Variants in PAK3 observed in about 807,000 individuals in gnomAD.
The protein encoded by PAK3 is p21 (RAC1) activated kinase 3.
Under a neutral mutation model 41.0 loss-of-function variants are expected in PAK3, and 4 were observed. The observed-to-expected ratio is 0.10, with a 90% CI of 0.05 to 0.22. The LOEUF is 0.22. Among genes scored for constraint, PAK3 ranks in the 10% least tolerant of loss-of-function variants. The pLI is 1.00. For missense variants in PAK3, 205 were observed against 409.9 expected (o/e 0.50, Z 4.32); for synonymous variants, 146 against 139.6 (o/e 1.05, Z -0.32).
At chrX:110,945,676 TA>T (rs1274007452) in intron 1 of PAK3, among the ~76,000 whole-genome samples, 1 of 112,048 alleles carries the variant, frequency 8.9e-6, no homozygotes, top group African/African-American at 3.2e-5. Flanking sequence ...ATGTTTGAAC[TA>T]AAAAGAACAA....
At chrX:111,174,002 TC>T (rs1397057294) in intron 11 of PAK3, among the ~76,000 whole-genome samples, 1 of 111,475 alleles carries the variant, frequency 9.0e-6, no homozygotes, top group Admixed American at 9.6e-5. Context: ...CTCAGACTTT[TC>T]CTGGCTGAGG....
chrX:110,944,703 G>A (rs1446904836), intron 1 of PAK3: 1 of 112,440 alleles, frequency 8.9e-6, no homozygotes, highest in Admixed American at 9.3e-5. Context: ...GAGGGCACGG[G>A]GCGGGAGGGA....
intron 1 of PAK3, among the ~76,000 whole-genome samples, chrX:111,061,344 C>G (rs2092653794): frequency 9.0e-6 from 1 of 111,101 alleles, no homozygotes; most frequent in Non-Finnish European, 1.9e-5. Flanking sequence ...TTATTATGCC[C>G]TATTGATTTA....
intron 11 of PAK3, among the ~76,000 whole-genome samples, chrX:111,175,713 T>C (rs1189161269): frequency 1.8e-5 from 2 of 111,771 alleles, no homozygotes; most frequent in Non-Finnish European, 3.8e-5. Flanking sequence ...TCCCAGATAC[T>C]AGGTAATGAA....
chrX:111,093,334 A>T (rs1346238738), upstream of PAK3, among the ~76,000 whole-genome samples: 1 of 111,832 alleles, frequency 8.9e-6, no homozygotes, highest in Non-Finnish European at 1.9e-5. Context: ...TCAGATGGGG[A>T]GATACAAAAG....
intron 1 of PAK3, among the ~76,000 whole-genome samples, chrX:111,096,957 CTCTT>C (rs1175262215): frequency 5.5e-5 from 6 of 109,345 alleles, no homozygotes; most frequent in Admixed American, 9.7e-5. Context: ...GCGCCTTCCC[CTCTT>C]TCTTTTATTT....
chrX:110,975,690 C>T (rs907860897), intron 1 of PAK3, among the ~76,000 whole-genome samples: 11 of 111,689 alleles, frequency 9.8e-5, no homozygotes, highest in South Asian at 3.8e-4. Context: ...GGAGGCATCA[C>T]GCTACCTGAC....
intron 4 of PAK3, among the ~76,000 whole-genome samples, chrX:111,104,386 A>G (rs2093212193): frequency 1.8e-5 from 2 of 111,970 alleles, no homozygotes; most frequent in South Asian, 7.5e-4. Flanking sequence ...GTTCCCTTTC[A>G]CACTGAGCAT....
At chrX:111,163,371 C>T (rs1220066787) in intron 9 of PAK3, among the ~76,000 whole-genome samples, 191 bp from the exon 10 acceptor site, 3 of 111,054 alleles carry the variant, frequency 2.7e-5, no homozygotes, top group Non-Finnish European at 5.7e-5. Context: ...ATTAGCAAGG[C>T]ATGTATAGGG....
At chrX:111,019,370 A>T (rs927845518) in intron 1 of PAK3, among the ~76,000 whole-genome samples, 1 of 109,704 alleles carries the variant, frequency 9.1e-6, no homozygotes, top group African/African-American at 3.3e-5. Flanking sequence ...AGAATTGTAA[A>T]CTCAACAACA....
chrX:111,147,104 G>A (rs1192601487), intron 6 of PAK3, among the ~76,000 whole-genome samples: 4 of 110,804 alleles, frequency 3.6e-5, no homozygotes, highest in Non-Finnish European at 7.6e-5. Flanking sequence ...AGCTGCAGGG[G>A]AAATGCCCAA....
chrX:111,033,925 CT>C (rs1251553296), intron 1 of PAK3, among the ~76,000 whole-genome samples: 1 of 110,625 alleles, frequency 9.0e-6, no homozygotes, highest in Non-Finnish European at 1.9e-5. Flanking sequence ...ATCTCATATA[CT>C]TTTAAAAAAA....
intron 1 of PAK3, among the ~76,000 whole-genome samples, chrX:111,065,073 G>A (rs987657289): frequency 2.7e-5 from 3 of 112,118 alleles, no homozygotes; most frequent in Non-Finnish European, 1.9e-5. Flanking sequence ...AATTGCTCTG[G>A]CTAGGATTTC....
rs914965703 is a variant in PAK3, at chrX:111,065,676, C to A, written c.-27-57401C>A. On this transcript the variant is annotated intron_variant, in intron 1 of 14. Coordinates refer to the PAK3 transcript ENST00000425146. ...CTATCTGGTGGAATGTGGCTGAGAA[C>A]TTATTTGGTAAGGGGCTCTTTTTGA... Among the ~76,000 whole-genome samples, 5 of 111,369 alleles carry A rather than the reference C, an allele frequency of 4.5e-5. No homozygotes were observed. In the Admixed American group the frequency reaches 4.8e-4, roughly 11 times the overall value.
At chrX:111,123,427 G>C in intron 5 of PAK3, 149 bp downstream of exon 5, 1 of 480,099 alleles carries the variant, frequency 2.1e-6, no homozygotes, top group Non-Finnish European at 3.6e-6. Flanking sequence ...TTTTGTCAGA[G>C]AATAATGTTT....
chrX:111,090,604 C>T (rs1410559016), intron 1 of PAK3, among the ~76,000 whole-genome samples: 2 of 111,257 alleles, frequency 1.8e-5, no homozygotes, highest in African/African-American at 3.3e-5. Flanking sequence ...TTATCAGGAG[C>T]AGACACTGCC....
chrX:111,013,569 T>C (rs1207170186), intron 1 of PAK3, among the ~76,000 whole-genome samples: 4 of 111,614 alleles, frequency 3.6e-5, no homozygotes, highest in Admixed American at 2.9e-4. Context: ...ATCTGGTTGC[T>C]GCCCTGTAGC....
At chrX:110,980,929 C>T (rs1362385218) in intron 1 of PAK3, among the ~76,000 whole-genome samples, 1 of 111,879 alleles carries the variant, frequency 8.9e-6, no homozygotes, top group African/African-American at 3.3e-5. Flanking sequence ...TTAGTTTATA[C>T]ACAGAAAGAC....
chrX:111,176,345 G>C lies in PAK3; in HGVS notation c.830+3264G>C, dbSNP rs1266042620. On this transcript the variant is annotated intron_variant, in intron 11 of 17. Coordinates refer to ENST00000372007, the MANE Select transcript of PAK3 (RefSeq NM_002578.5). ...CACTGGGGCCAGAAGGGGAATGGGG[G>C]GCGAAGGGAGTGAGAGCATTAGGAC... 5.5e-5 allele frequency among the ~76,000 whole-genome samples: 6 copies of C among 109,994 alleles called. No homozygotes were observed. The East Asian group carries it at 1.4e-3, about 26-fold the overall frequency.
Sources: allele counts gnomAD v4.1 joint callset (sites outside exome capture counted in the v4.1 genomes callset), GRCh38; gene constraint gnomAD v4.1.1; transcripts MANE v1.5; gene names NCBI Gene and HGNC (gene_info 2026-07-23, HGNC 2026-07-21).